DNAH7: variants seen among roughly 807,000 people sequenced by gnomAD.
DNAH7 encodes the protein dynein axonemal heavy chain 7.
In DNAH7, 397 loss-of-function variants were observed where a neutral mutation model predicts 444.6. The observed-to-expected ratio is 0.89, with a 90% CI of 0.82 to 0.97. The LOEUF is 0.97. Ranked by LOEUF, DNAH7 falls within the 50% of genes least tolerant of loss-of-function variation. The pLI is 0.00. For missense variants in DNAH7, 4,902 were observed against 4,800.8 expected (o/e 1.02, Z -0.62); for synonymous variants, 1,636 against 1,624.4 (o/e 1.01, Z -0.17).
chr2:196,065,150 T>A (rs1248556432), intron 1 of DNAH7, among the ~76,000 whole-genome samples: 1 of 136,724 alleles, frequency 7.3e-6, no homozygotes, highest in Admixed American at 7.1e-5. Flanking sequence ...TTGACCTTTT[T>A]TCTACCATGT....
intron 24 of DNAH7, among the ~76,000 whole-genome samples, chr2:195,921,185 T>C (rs191801362): frequency 1.8e-4 from 27 of 152,312 alleles, no homozygotes; most frequent in Admixed American, 1.8e-3. Context: ...AGATCTACCA[T>C]TTGATCAAGC....
intron 48 of DNAH7, 37 bp downstream of exon 48, chr2:195,834,169 C>G: frequency 6.4e-7 from 1 of 1,562,690 alleles, no homozygotes; most frequent in South Asian, 1.2e-5. Flanking sequence ...CCTCTCCAGG[C>G]AGTTCTGTAA....
At chr2:195,943,799 A>G (rs1445075561) in intron 19 of DNAH7, among the ~76,000 whole-genome samples, 1 of 152,174 alleles carries the variant, frequency 6.6e-6, no homozygotes, top group Non-Finnish European at 1.5e-5. Context: ...TGGACAATAT[A>G]TTAAATGATT....
rs1692711984 is a variant in DNAH7, at chr2:195,737,710, G to GTGTT, written c.*207_*210dup. 5 of 447,442 alleles carry GTGTT rather than the reference G, an allele frequency of 1.1e-5. No homozygotes were observed. The East Asian group carries it at 1.4e-4, about 13-fold the overall frequency. 27.7% of individuals were successfully genotyped at this position (447,442 alleles called of 1,614,324 possible). A position where few individuals can be genotyped will look rare whatever the true frequency, so the allele number is the denominator to read the frequency against. On this transcript the variant is annotated 3_prime_UTR_variant, in exon 65 of 65. Transcript: ENST00000312428. ...ACTCAAAGAGAGCAAATATGCCAGT[G>GTGTT]TGTTTTCTTTAGTCTTTATTTCAGA...
At position 195,864,996 on chromosome 2, in the gene DNAH7, A is replaced by C. The variant is rs1221859905; in HGVS notation, c.6659T>G (p.Leu2220Arg). ...HEVLRVYYDR[L>R]LDNTDRSWLI... ...CCAGCTTCTGTCTGTATTGTCCAGA[A>C]GGCGGTCATAATACACTCGAAGGAC... The change falls in exon 41 of 65, where the codon CTT becomes CGT. Residue 2220 changes from leucine (L) to arginine (R), a missense_variant. Transcript: ENST00000312428. 1 of 1,602,118 alleles carries C rather than the reference A, an allele frequency of 6.2e-7. No homozygotes were observed. Among genetic ancestry groups the C allele is most frequent in the Middle Eastern group, 1.7e-4 (1 of 6,056 alleles).
At chr2:195,882,763 GTCAT>G (rs1409405414) in intron 35 of DNAH7, among the ~76,000 whole-genome samples, 1 of 152,118 alleles carries the variant, frequency 6.6e-6, no homozygotes, top group African/African-American at 2.4e-5. Context: ...TAAATTCTTG[GTCAT>G]TCAAAGTACA....
rs531058433 is a variant in DNAH7, at chr2:195,977,212, A to C, written c.1834-4746T>G. 2.0e-5 allele frequency among the ~76,000 whole-genome samples: 3 copies of C among 152,350 alleles called. No individual in the cohort carries two copies. The East Asian group carries it at 5.8e-4, about 29-fold the overall frequency. On this transcript the variant is annotated intron_variant, in intron 15 of 64. Coordinates refer to ENST00000312428, the MANE Select transcript of DNAH7 (RefSeq NM_018897.3). ...TGTGAGATTTCAGACAGACAATTCA[A>C]AATAGCTGTTTTCAGGAAACTCTTT...
In DNAH7 at chr2:195,981,372, A is replaced by T. The variant is rs548096721; in HGVS notation, c.1833+3260T>A. Among the ~76,000 whole-genome samples the T allele has an allele frequency of 4.6e-5, 7 of 152,268 alleles. No homozygotes were observed. The East Asian group carries it at 1.3e-3, about 29-fold the overall frequency. On this transcript the variant is annotated intron_variant, in intron 15 of 64. Transcript: ENST00000312428. ...AAAGGAAAGATATTCCATGTTCATA[A>T]ATTAGAAGAATCCAATATTGTTAAA...
At chr2:195,880,166 G>A (rs939882874) in intron 36 of DNAH7, among the ~76,000 whole-genome samples, 1 of 151,912 alleles carries the variant, frequency 6.6e-6, no homozygotes, top group African/African-American at 2.4e-5. Context: ...CCCCTGAAGG[G>A]CATGGCGGAC....
chr2:195,977,333 TG>T (rs573042044), intron 15 of DNAH7, among the ~76,000 whole-genome samples: 412 of 152,292 alleles, frequency 2.7e-3, no homozygotes, highest in African/African-American at 9.6e-3. Flanking sequence ...GAAGAAATTC[TG>T]GGGTTGAAAA....
chr2:195,756,105 C>G (rs370877190), intron 62 of DNAH7, 28 bp downstream of exon 62: 46 of 1,564,670 alleles, frequency 2.9e-5, no homozygotes, highest in Non-Finnish European at 3.8e-5. Flanking sequence ...AGAAACTTAA[C>G]AATATACGAT....
intron 28 of DNAH7, 64 bp from the exon 29 acceptor site, chr2:195,897,829 T>C: frequency 1.1e-6 from 1 of 900,814 alleles, no homozygotes; most frequent in Non-Finnish European, 1.7e-6. Context: ...ACCCGCTTCG[T>C]GTTCGCATAC....
At chr2:195,940,575 T>A (rs766558300) in intron 19 of DNAH7, among the ~76,000 whole-genome samples, 15 of 151,908 alleles carry the variant, frequency 9.9e-5, no homozygotes, top group Non-Finnish European at 1.5e-4. Context: ...TAAACTATCA[T>A]CAGAGTGAAC....
intron 57 of DNAH7, among the ~76,000 whole-genome samples, chr2:195,789,974 A>C (rs1695800895): frequency 6.6e-6 from 1 of 152,210 alleles, no homozygotes; most frequent in Non-Finnish European, 1.5e-5. Flanking sequence ...ACTTCAGTAA[A>C]GTTTCAGAAT....
intron 63 of DNAH7, among the ~76,000 whole-genome samples, chr2:195,746,911 A>T (rs1160574253): frequency 2.0e-5 from 3 of 152,066 alleles, no homozygotes; most frequent in African/African-American, 7.2e-5. Flanking sequence ...TCCAAAATTG[A>T]CACCCTAACA....
chr2:195,862,183 A>C (rs758209280), intron 41 of DNAH7, among the ~76,000 whole-genome samples: 4 of 152,168 alleles, frequency 2.6e-5, no homozygotes, highest in Non-Finnish European at 5.9e-5. Flanking sequence ...GAGATTAGAG[A>C]AATTGTTCAT....
chr2:195,776,165 T>C (rs949376397), intron 59 of DNAH7, among the ~76,000 whole-genome samples, 182 bp from the exon 60 acceptor site: 3 of 152,036 alleles, frequency 2.0e-5, no homozygotes, highest in South Asian at 4.1e-4. Flanking sequence ...TATGAACAGC[T>C]AGGCGCGGTG....
At position 195,884,673 on chromosome 2, in the gene DNAH7, T is replaced by C. The variant is rs764237905; in HGVS notation, c.5675A>G (p.Gln1892Arg). 3.7e-6 allele frequency: 6 copies of C among 1,614,108 alleles called. No individual in the cohort carries two copies. The highest frequency in any genetic ancestry group is 5.1e-6 in the Non-Finnish European group (6 of 1,180,028). ...SDRTRNTFKL[Q>R]SGTEQTSSKA... ...TGAGGATGTTTGCTCAGTACCACTC[T>C]GTAATTTAAACGTATTTCGAGTTCG... The change falls in exon 35 of 65, where the codon CAG (glutamine) becomes CGG (arginine). Residue 1892 changes from glutamine (Q) to arginine (R), a missense_variant. Coordinates refer to ENST00000312428, the MANE Select transcript of DNAH7 (RefSeq NM_018897.3).
Position 195,927,721 on chromosome 2 carries a change from A to G in DNAH7, c.3472-1155T>C, listed in dbSNP as rs1453227871. ...TTCCACAATATTATATGTAAAGTCTATTATTATATCTATGTTTACCATATT... is the reference window on the plus strand; with the variant it reads ...TTCCACAATATTATATGTAAAGTCTGTTATTATATCTATGTTTACCATATT... On this transcript the variant is annotated intron_variant, in intron 21 of 64. Transcript: ENST00000312428. Among the ~76,000 whole-genome samples, 3 of 151,476 alleles carry G rather than the reference A, an allele frequency of 2.0e-5. No individual in the cohort carries two copies. The East Asian group carries it at 5.8e-4, about 29-fold the overall frequency.
Sources: gnomAD v4.1 joint callset for allele counts (sites outside exome capture counted in the v4.1 genomes callset) on GRCh38, gnomAD v4.1.1 for gene constraint, MANE v1.5 for transcripts, NCBI Gene and HGNC (gene_info 2026-07-23, HGNC 2026-07-21) for gene names.